PRKCQ: variants seen among roughly 807,000 people sequenced by gnomAD.
PRKCQ encodes protein kinase C theta type.
A neutral mutation model predicts 91.2 loss-of-function variants in PRKCQ; 41 were observed. That is an observed-to-expected ratio of 0.45 (90% confidence interval 0.35 to 0.58). The LOEUF (loss-of-function observed/expected upper bound fraction) is 0.58, where lower values mean the gene tolerates loss of function less well. PRKCQ is among the 20% of genes least tolerant of loss of function. PRKCQ has a pLI of 0.00. For missense variants in PRKCQ, 673 were observed against 896.5 expected, an observed-to-expected ratio of 0.75 and a Z score of 3.18; for synonymous variants, 307 against 316.9, an observed-to-expected ratio of 0.97 and a Z score of 0.33.
intron 1 of PRKCQ, among the ~76,000 whole-genome samples, chr10:6,545,864 G>A (rs528638372): frequency 1.3e-5 from 2 of 152,148 alleles, no homozygotes; most frequent in African/African-American, 4.8e-5. Context: ...TTAGCCAGGT[G>A]TGGTGGTGTG....
Position 6,465,679 on chromosome 10 carries a change from G to A in PRKCQ, c.1354-1275C>T, listed in dbSNP as rs769463707. On this transcript the variant is annotated intron_variant, in intron 12 of 17. Transcript: ENST00000263125. This position sits in a 1 kb window ranked among gnomAD's most constrained non-coding sequence, Gnocchi z 4.4. ...ACCCAACCGAGGCCGTGGGGCATAG[G>A]AGGTAATAGTAGAAACATTGTTCTG... Among the ~76,000 whole-genome samples, 1 of 152,208 alleles carries A rather than the reference G, an allele frequency of 6.6e-6. No homozygotes were observed. The highest frequency in any genetic ancestry group is 6.5e-5 in the Admixed American group (1 of 15,286).
intron 16 of PRKCQ, among the ~76,000 whole-genome samples, chr10:6,439,859 G>A (rs1204141396): frequency 6.6e-6 from 1 of 152,144 alleles, no homozygotes; most frequent in African/African-American, 2.4e-5. Context: ...CATTGCATAG[G>A]AGGTTGGCTC....
At chr10:6,447,887 G>A (rs1834410970) in intron 15 of PRKCQ, among the ~76,000 whole-genome samples, 1 of 152,170 alleles carries the variant, frequency 6.6e-6, no homozygotes, top group African/African-American at 2.4e-5. Flanking sequence ...ACACAAGAGA[G>A]GCTAACATTT....
intron 10 of PRKCQ, 61 bp from the exon 11 acceptor site, chr10:6,483,661 T>C: frequency 1.9e-6 from 3 of 1,567,704 alleles, no homozygotes; most frequent in Non-Finnish European, 2.6e-6. Flanking sequence ...TTCTAGTTAC[T>C]GAGAGCACAT....
At chr10:6,454,040 A>G (rs1001667790) in intron 15 of PRKCQ, among the ~76,000 whole-genome samples, 2 of 152,108 alleles carry the variant, frequency 1.3e-5, no homozygotes, top group Admixed American at 6.6e-5. Context: ...CCTGCACATT[A>G]TGCACATGTA....
At chr10:6,532,925 A>G (rs1839441646) in intron 1 of PRKCQ, among the ~76,000 whole-genome samples, 1 of 152,302 alleles carries the variant, frequency 6.6e-6, no homozygotes, top group East Asian at 1.9e-4. Flanking sequence ...ATTGCAATCT[A>G]TTCTAATTTT....
intron 8 of PRKCQ, among the ~76,000 whole-genome samples, chr10:6,488,006 A>G (rs1336438096): frequency 1.4e-5 from 2 of 142,384 alleles, no homozygotes; most frequent in Admixed American, 6.9e-5. Flanking sequence ...CTGTGTCTCA[A>G]AAAAAAAAAA....
chr10:6,513,049 A>G (rs940385645), intron 2 of PRKCQ, among the ~76,000 whole-genome samples: 4 of 152,180 alleles, frequency 2.6e-5, no homozygotes, highest in Admixed American at 6.5e-5. Context: ...AGAAGGGGCA[A>G]AAGTCCCCAA....
chr10:6,452,090 G>A (rs1834723090), intron 15 of PRKCQ, among the ~76,000 whole-genome samples: 2 of 152,100 alleles, frequency 1.3e-5, no homozygotes, highest in African/African-American at 4.8e-5. Context: ...AATTAGGCAG[G>A]AGAAGGAAAT....
At chr10:6,578,064 C>T (rs12269458) in intron 1 of PRKCQ, among the ~76,000 whole-genome samples, 3,517 of 152,254 alleles carry the variant, frequency 0.023, 153 homozygotes, top group African/African-American at 0.08. Flanking sequence ...AGTGACAAGC[C>T]GGCTATGTAA....
chr10:6,450,022 C>G (rs1013059518), intron 15 of PRKCQ, among the ~76,000 whole-genome samples: 2 of 151,094 alleles, frequency 1.3e-5, no homozygotes, highest in Admixed American at 1.3e-4. Flanking sequence ...GAAACTGCAT[C>G]AACTAACGAG....
chr10:6,418,361 C>T, the PRKCQ span, among the ~76,000 whole-genome samples: 1 of 152,166 alleles, frequency 6.6e-6, no homozygotes, highest in Non-Finnish European at 1.5e-5. Flanking sequence ...GGGAAGAATC[C>T]GTGCTCCTTC....
intron 16 of PRKCQ, 86 bp downstream of exon 16, chr10:6,441,807 T>G (rs951528027): frequency 2.9e-6 from 4 of 1,359,964 alleles, no homozygotes; most frequent in Non-Finnish European, 4.0e-6. Flanking sequence ...GTTTGCCACA[T>G]GCAAGTTGGA....
chr10:6,518,116 TG>T (rs1838846948), intron 1 of PRKCQ, among the ~76,000 whole-genome samples: 2 of 152,188 alleles, frequency 1.3e-5, no homozygotes, highest in African/African-American at 4.8e-5. Context: ...ATTGTTCTAG[TG>T]GTCACAGAAG....
chr10:6,570,202 G>C (rs1008865634), intron 1 of PRKCQ, among the ~76,000 whole-genome samples: 1 of 152,092 alleles, frequency 6.6e-6, no homozygotes, highest in African/African-American at 2.4e-5. Context: ...GGAGAGTGCG[G>C]GTGATCATTT....
intron 10 of PRKCQ, among the ~76,000 whole-genome samples, chr10:6,483,995 G>A (rs1836765182): frequency 6.6e-6 from 1 of 152,212 alleles, no homozygotes; most frequent in Non-Finnish European, 1.5e-5. Flanking sequence ...TCAATTGTTT[G>A]CATGGCTCAC....
chr10:6,505,614 C>CCCTTCCTT (rs55786517), intron 4 of PRKCQ, among the ~76,000 whole-genome samples: 15 of 143,470 alleles, frequency 1.0e-4, no homozygotes, highest in Non-Finnish European at 1.7e-4. Context: ...CTCTCTCTCT[C>CCCTTCCTT]CCTTCCTTCC....
intron 17 of PRKCQ, among the ~76,000 whole-genome samples, chr10:6,429,013 T>C (rs749331854): frequency 2.6e-5 from 4 of 152,244 alleles, no homozygotes; most frequent in Non-Finnish European, 4.4e-5. Context: ...TCATACATGC[T>C]GTTCAGTATG....
chr10:6,437,133 TG>T (rs1833735141), intron 16 of PRKCQ, among the ~76,000 whole-genome samples: 1 of 152,214 alleles, frequency 6.6e-6, no homozygotes, highest in Non-Finnish European at 1.5e-5. Context: ...TGGGTTTTGC[TG>T]GCCCAGGCTT....
Sources: allele counts gnomAD v4.1 joint callset (sites outside exome capture counted in the v4.1 genomes callset), GRCh38; gene constraint gnomAD v4.1.1; non-coding constraint Gnocchi (gnomAD v3.1); transcripts MANE v1.5; gene names NCBI Gene and HGNC (gene_info 2026-07-23, HGNC 2026-07-21).